Variants in DACH1 observed in about 807,000 individuals in gnomAD.
DACH1 encodes the protein dachshund family transcription factor 1.
A neutral mutation model predicts 54.2 loss-of-function variants in DACH1; 12 were observed. The observed-to-expected ratio is 0.22, with a 90% confidence interval of 0.14 to 0.36. The LOEUF is 0.36. DACH1 is among the 10% of genes least tolerant of loss of function. The pLI, the probability that DACH1 is intolerant of heterozygous loss-of-function variation, is 1.00. For missense variants in DACH1, 805 were observed against 929.8 expected (o/e 0.87, Z 1.75); for synonymous variants, 386 against 366.2 (o/e 1.05, Z -0.62).
intron 4 of DACH1, among the ~76,000 whole-genome samples, chr13:71,567,273 G>C (rs1235302896): frequency 6.6e-6 from 1 of 151,946 alleles, no homozygotes; most frequent in African/African-American, 2.4e-5. Context: ...CAACAATGTA[G>C]GGTAATTTGA....
chr13:71,692,461 T>G (rs1458714448), intron 1 of DACH1, among the ~76,000 whole-genome samples: 1 of 151,356 alleles, frequency 6.6e-6, no homozygotes, highest in African/African-American at 2.4e-5. Flanking sequence ...TGTTTGCCTG[T>G]GTTATTTCTT....
At position 71,771,982 on chromosome 13, in the gene DACH1, A is replaced by G. The variant is rs377449250; in HGVS notation, c.849-90072T>C. Among the ~76,000 whole-genome samples the G allele has an allele frequency of 1.8e-4, 27 of 151,638 alleles. No homozygotes were observed. In the East Asian group the frequency reaches 5.0e-3, roughly 28 times the overall value. ...AACGTGTTATCTAAAGTTACTGGCA[A>G]GTTGATCTATTTAAAGATTACAATT... On this transcript the variant is annotated intron_variant, in intron 1 of 10. Coordinates refer to ENST00000613252, the MANE Select transcript of DACH1 (RefSeq NM_080759.6).
Position 71,654,389 on chromosome 13 carries a change from C to CAAAATAAAATAAAAT in DACH1, c.965-23687_965-23673dup, listed in dbSNP as rs540730866. ...TGGGCGACAGAGTGAGACTCTGTCT[C>CAAAATAAAATAAAAT]AAAATAAAATAAAATAAAATAAAAT... On this transcript the variant is annotated intron_variant, in intron 2 of 10. Transcript: ENST00000613252. Among the ~76,000 whole-genome samples, 195 of 60,396 alleles carry CAAAATAAAATAAAAT rather than the reference C, an allele frequency of 3.2e-3. 5 individuals carry two copies. The highest frequency in any genetic ancestry group is 7.6e-3 in the East Asian group (14 of 1,850). The allele number at this position is 60,396 out of a possible 152,430, so 39.6% of individuals were successfully genotyped here.
intron 1 of DACH1, among the ~76,000 whole-genome samples, chr13:71,864,722 C>A (rs1487743951): frequency 6.6e-6 from 1 of 151,978 alleles, no homozygotes; most frequent in East Asian, 1.9e-4. Flanking sequence ...ATCTCTACCC[C>A]GAAACTGACA....
Position 71,549,053 on chromosome 13 carries a change from G to A in DACH1, c.1570+7971C>T, listed in dbSNP as rs1396260135. Among the ~76,000 whole-genome samples, 5 of 151,950 alleles carry A rather than the reference G, an allele frequency of 3.3e-5. No homozygotes were observed. The East Asian group carries it at 9.7e-4, about 29-fold the overall frequency. ...TACTAGACTATGCAAACTATCAACT[G>A]GAAACTAGCAAAACTGAAAGAAATC... On this transcript the variant is annotated intron_variant, in intron 6 of 10. Transcript: ENST00000613252.
chr13:71,766,842 A>G (rs1217347025), intron 1 of DACH1, among the ~76,000 whole-genome samples: 2 of 149,276 alleles, frequency 1.3e-5, no homozygotes, highest in Admixed American at 1.4e-4. Flanking sequence ...AAAAGGCTTA[A>G]AAAAAAAAAG....
At chr13:71,694,222 A>C (rs2138732112) in intron 1 of DACH1, among the ~76,000 whole-genome samples, 1 of 152,226 alleles carries the variant, frequency 6.6e-6, no homozygotes, top group East Asian at 1.9e-4. Context: ...ACAAGCACAC[A>C]CACATCCGCC....
intron 1 of DACH1, among the ~76,000 whole-genome samples, chr13:71,843,475 G>A (rs1873017962): frequency 6.6e-6 from 1 of 152,042 alleles, no homozygotes; most frequent in African/African-American, 2.4e-5. Context: ...ATGTTGCTCA[G>A]ACTGGTCTTG....
intron 7 of DACH1, among the ~76,000 whole-genome samples, chr13:71,488,560 A>G (rs1377889022): frequency 6.6e-6 from 1 of 152,100 alleles, no homozygotes; most frequent in African/African-American, 2.4e-5. Flanking sequence ...GGATTCTTCT[A>G]AATTAGACAT....
At chr13:71,721,218 A>C (rs1444584548) in intron 1 of DACH1, among the ~76,000 whole-genome samples, 2 of 152,132 alleles carry the variant, frequency 1.3e-5, no homozygotes, top group Non-Finnish European at 2.9e-5. Context: ...AAATTTTTTC[A>C]TTGTTTTCTC....
chr13:71,610,897 G>A (rs538755764), intron 3 of DACH1, among the ~76,000 whole-genome samples: 2 of 152,158 alleles, frequency 1.3e-5, no homozygotes, highest in South Asian at 4.2e-4. Flanking sequence ...TATTTTATAC[G>A]GGCTAATGTA....
At chr13:71,606,814 T>C (rs979897490) in intron 3 of DACH1, among the ~76,000 whole-genome samples, 1 of 152,098 alleles carries the variant, frequency 6.6e-6, no homozygotes, top group Non-Finnish European at 1.5e-5. Context: ...TTATGAATTA[T>C]TCTCTAGTGA....
intron 3 of DACH1, among the ~76,000 whole-genome samples, chr13:71,606,944 C>T (rs546412599): frequency 2.0e-5 from 3 of 151,882 alleles, no homozygotes; most frequent in Non-Finnish European, 2.9e-5. Context: ...AAGTAGTGAG[C>T]CTTTTGATTT....
At chr13:71,765,052 C>G (rs1209870648) in intron 1 of DACH1, among the ~76,000 whole-genome samples, 1 of 152,154 alleles carries the variant, frequency 6.6e-6, no homozygotes, top group East Asian at 1.9e-4. Context: ...TTCCAATCTT[C>G]AAGTGAGGTA....
At chr13:71,858,232 A>G (rs1363827414) in intron 1 of DACH1, among the ~76,000 whole-genome samples, 1 of 151,696 alleles carries the variant, frequency 6.6e-6, no homozygotes, top group Admixed American at 6.6e-5. Context: ...TTGAAGAAAA[A>G]TAAGGTTATT....
intron 3 of DACH1, among the ~76,000 whole-genome samples, chr13:71,606,480 A>T (rs940910011): frequency 1.2e-4 from 19 of 152,094 alleles, no homozygotes; most frequent in African/African-American, 4.6e-4. Context: ...TACTGGTATG[A>T]CAGATATAAA....
At chr13:71,859,819 G>A (rs565927112) in intron 1 of DACH1, among the ~76,000 whole-genome samples, 7 of 151,804 alleles carry the variant, frequency 4.6e-5, no homozygotes, top group South Asian at 4.1e-4. Context: ...GCTAAAAAGC[G>A]AATATCAGCA....
At chr13:71,643,885 G>A (rs958083364) in intron 2 of DACH1, among the ~76,000 whole-genome samples, 23 of 151,186 alleles carry the variant, frequency 1.5e-4, no homozygotes, top group African/African-American at 4.9e-4. Context: ...GATTGTCTTC[G>A]ATCTCTTAAC....
intron 1 of DACH1, among the ~76,000 whole-genome samples, chr13:71,772,247 G>C (rs927010087): frequency 2.6e-5 from 4 of 151,652 alleles, no homozygotes; most frequent in African/African-American, 9.7e-5. Flanking sequence ...CTAAGGAATA[G>C]ACAATGGGTT....
Sources: allele counts gnomAD v4.1 joint callset (sites outside exome capture counted in the v4.1 genomes callset), GRCh38; gene constraint gnomAD v4.1.1; transcripts MANE v1.5; gene names NCBI Gene and HGNC (gene_info 2026-07-23, HGNC 2026-07-21).